Variants in APAF1 observed in about 807,000 individuals in gnomAD.
APAF1 encodes the protein apoptotic protease-activating factor 1.
A neutral mutation model predicts 152.4 loss-of-function variants in APAF1; 91 were observed. The observed-to-expected ratio is 0.60, with a 90% CI of 0.50 to 0.71. APAF1 has a LOEUF of 0.71. APAF1 is among the 30% of genes least tolerant of loss of function. The probability of loss-of-function intolerance (pLI) is 0.00; values close to 1 mark genes in which losing one functional copy is unlikely to be tolerated. For synonymous variants in APAF1, 484 were observed against 494.1 expected (o/e 0.98, Z 0.27); for missense variants, 1,283 against 1,472.0 (o/e 0.87, Z 2.10).
At chr12:98,665,823 A>G (rs1318970287) in intron 8 of APAF1, 32 bp downstream of exon 8, 14 of 1,496,100 alleles carry the variant, frequency 9.4e-6, no homozygotes, top group Non-Finnish European at 1.3e-5. Context: ...ATCATTGGGT[A>G]TTTATTGCAT....
chr12:98,671,615 T>C lies in APAF1; in HGVS notation c.1689T>C (p.Ile563=). 1.2e-6 allele frequency: 2 copies of C among 1,614,064 alleles called. No homozygotes were observed. Among genetic ancestry groups the C allele is most frequent in the Non-Finnish European group, 1.7e-6 (2 of 1,180,010 alleles). The change falls in exon 12 of 27, where the codon ATT becomes ATC. Residue 563 remains isoleucine (I), a synonymous_variant. Transcript: ENST00000551964. ...HLLGRQPFPN[I]VQLGLCEPET... The stretch of plus-strand genomic sequence containing the variant: ...TTGGACGACAGCCATTTCCTAATAT[T>C]GTACAACTGGGTCTCTGTGAGCCGG...
intron 16 of APAF1, among the ~76,000 whole-genome samples, chr12:98,695,606 C>T (rs1479543990): frequency 6.6e-6 from 1 of 152,166 alleles, no homozygotes; most frequent in East Asian, 1.9e-4. Context: ...GAGATCTCAA[C>T]ATTTAGAAAA....
At chr12:98,663,181 AT>A (rs886904240) in intron 7 of APAF1, among the ~76,000 whole-genome samples, 22 of 150,626 alleles carry the variant, frequency 1.5e-4, no homozygotes, top group African/African-American at 4.1e-4. Flanking sequence ...CTTAATTTGC[AT>A]TTTTTTTTAG....
At chr12:98,715,876 T>C (rs1016483450) in intron 22 of APAF1, among the ~76,000 whole-genome samples, 1 of 152,230 alleles carries the variant, frequency 6.6e-6, no homozygotes, top group African/African-American at 2.4e-5. Context: ...TTTATTTTTC[T>C]TTACAGTAGT....
chr12:98,655,407 C>T (rs1478485164), intron 4 of APAF1, among the ~76,000 whole-genome samples: 15 of 151,468 alleles, frequency 9.9e-5, no homozygotes, highest in Admixed American at 5.2e-4. Flanking sequence ...TAGGGGCGGC[C>T]GGGCAGAGGC....
At chr12:98,662,419 A>G in intron 5 of APAF1, 37 bp from the exon 6 acceptor site, 1 of 1,412,098 alleles carries the variant, frequency 7.1e-7, no homozygotes, top group Non-Finnish European at 1.0e-6. Context: ...GCTTAAGATA[A>G]GTGTCATTAG....
intron 4 of APAF1, among the ~76,000 whole-genome samples, chr12:98,653,174 A>C (rs1298655689): frequency 6.6e-6 from 1 of 152,140 alleles, no homozygotes; most frequent in African/African-American, 2.4e-5. Flanking sequence ...CCAAAGATAA[A>C]TTTTAATCTC....
At chr12:98,726,359 G>A (rs2055107288) in intron 25 of APAF1, 2 of 152,380 alleles carry the variant, frequency 1.3e-5, no homozygotes, top group South Asian at 4.1e-4. Context: ...GATTGGAAAA[G>A]TTTGGGTATT....
intron 14 of APAF1, among the ~76,000 whole-genome samples, chr12:98,682,057 T>G (rs1287731762): frequency 2.7e-5 from 4 of 148,914 alleles, no homozygotes; most frequent in Admixed American, 6.7e-5. Flanking sequence ...TTTTTGTTTT[T>G]TTTTTTTTTT....
intron 1 of APAF1, among the ~76,000 whole-genome samples, chr12:98,646,329 A>T (rs892094847): frequency 3.3e-5 from 5 of 152,226 alleles, no homozygotes; most frequent in African/African-American, 1.2e-4. Flanking sequence ...AAAAAATGAG[A>T]GTTTTGATTC....
At chr12:98,665,064 C>G (rs2097670384) in intron 7 of APAF1, among the ~76,000 whole-genome samples, 1 of 150,884 alleles carries the variant, frequency 6.6e-6, no homozygotes, top group Admixed American at 6.6e-5. Context: ...GAGTCTCACA[C>G]TGTTCCTCAG....
At chr12:98,699,936 T>C (rs1195595020) in intron 17 of APAF1, among the ~76,000 whole-genome samples, 6 of 152,240 alleles carry the variant, frequency 3.9e-5, no homozygotes, top group Non-Finnish European at 5.9e-5. Flanking sequence ...TCCTTTTTTT[T>C]CTTCAATTTT....
intron 7 of APAF1, among the ~76,000 whole-genome samples, chr12:98,663,148 A>G (rs2097667717): frequency 6.6e-6 from 1 of 152,284 alleles, no homozygotes; most frequent in South Asian, 2.1e-4. Context: ...TAGTGTTCTA[A>G]TTTGGTAAGT....
At chr12:98,689,705 A>G (rs879540612) in intron 16 of APAF1, among the ~76,000 whole-genome samples, 6 of 152,022 alleles carry the variant, frequency 3.9e-5, no homozygotes, top group Non-Finnish European at 8.8e-5. Flanking sequence ...CGATCCTCCC[A>G]CTTTGGTCTC....
intron 10 of APAF1, among the ~76,000 whole-genome samples, chr12:98,668,186 G>A (rs1175766642): frequency 6.6e-6 from 1 of 152,076 alleles, no homozygotes; most frequent in Non-Finnish European, 1.5e-5. Flanking sequence ...TGTTTTATTA[G>A]TATAATTTTT....
At chr12:98,721,564 C>T (rs532229593) in intron 22 of APAF1, among the ~76,000 whole-genome samples, 51 of 152,166 alleles carry the variant, frequency 3.4e-4, no homozygotes, top group Non-Finnish European at 2.4e-4. Flanking sequence ...AGAAATGCCT[C>T]CATTTCTTCC....
intron 22 of APAF1, among the ~76,000 whole-genome samples, chr12:98,718,810 TATA>T (rs924734028): frequency 2.6e-5 from 4 of 151,946 alleles, no homozygotes; most frequent in Non-Finnish European, 4.4e-5. Flanking sequence ...AGTGCATGCC[TATA>T]ATCCCAGCTA....
In APAF1 at chr12:98,686,989, A is replaced by G. The variant is rs529625754; in HGVS notation, c.2304+116A>G. 46 of 1,044,296 alleles carry G rather than the reference A, an allele frequency of 4.4e-5. No homozygotes were observed. The Middle Eastern group carries it at 1.3e-3, about 31-fold the overall frequency. 64.7% of individuals were successfully genotyped at this position (1,044,296 alleles called of 1,614,324 possible). Reference sequence around the variant, plus strand: ...CTACAGAAAGAGCCTGCTTCTTTCAATTTCCAGGAGCATATTTAATGTAAC... The same window carrying G: ...CTACAGAAAGAGCCTGCTTCTTTCAGTTTCCAGGAGCATATTTAATGTAAC... On this transcript the variant is annotated intron_variant, in intron 16 of 26. Coordinates refer to ENST00000551964, the MANE Select transcript of APAF1 (RefSeq NM_181861.2).
chr12:98,677,546 T>C lies in APAF1; in HGVS notation c.1915T>C (p.Leu639=), dbSNP rs932859061. The C allele has an allele frequency of 1.2e-6, 2 of 1,614,076 alleles. No homozygotes were observed. The highest frequency in any genetic ancestry group is 2.7e-5 in the African/African-American group (2 of 74,946). ...AGCTTCTTGTGGAGCTGATAAAACCTTACAGGTAAAACACATCTCTTGAGA... is the reference window on the plus strand; with the variant it reads ...AGCTTCTTGTGGAGCTGATAAAACCCTACAGGTAAAACACATCTCTTGAGA... The part of the protein sequence containing the change: ...RIASCGADKT[L]QVFKAETGEK... The change falls in exon 13 of 27, where the codon TTA becomes CTA. Residue 639 remains leucine, a synonymous_variant. Coordinates refer to ENST00000551964, the MANE Select transcript of APAF1 (RefSeq NM_181861.2).
Sources: gnomAD v4.1 joint callset for allele counts (sites outside exome capture counted in the v4.1 genomes callset) on GRCh38, gnomAD v4.1.1 for gene constraint, MANE v1.5 for transcripts, NCBI Gene and HGNC (gene_info 2026-07-23, HGNC 2026-07-21) for gene names.